The following ZC3HAV1 variants were observed in gnomAD, a reference collection of about 807,000 sequenced individuals.
ZC3HAV1 encodes zinc finger CCCH-type antiviral protein 1.
In ZC3HAV1, 41 loss-of-function variants were observed where a neutral mutation model predicts 86.6. The ratio of observed to expected loss-of-function variants is 0.47; its 90% CI spans 0.37 to 0.61. The LOEUF (loss-of-function observed/expected upper bound fraction) is 0.61. Among genes scored for constraint, ZC3HAV1 ranks in the 20% least tolerant of loss-of-function variants. ZC3HAV1 has a pLI of 0.00. For synonymous variants in ZC3HAV1, 421 were observed against 432.1 expected (o/e 0.97, Z 0.32); for missense variants, 964 against 1,141.1 (o/e 0.84, Z 2.24).
intron 7 of ZC3HAV1, among the ~76,000 whole-genome samples, chr7:139,068,024 TTTATTA>T (rs142686573): frequency 0.032 from 4,499 of 142,010 alleles, 109 homozygotes; most frequent in African/African-American, 0.061. Context: ...TCTTTCTTTC[TTTATTA>T]TTATTATTAT....
intron 9 of ZC3HAV1, among the ~76,000 whole-genome samples, chr7:139,056,164 G>C (rs999960644): frequency 2.5e-4 from 38 of 152,146 alleles, no homozygotes; most frequent in Middle Eastern, 3.4e-3. Context: ...TTGCTAATCT[G>C]TTTTGAGACA....
intron 7 of ZC3HAV1, among the ~76,000 whole-genome samples, chr7:139,065,221 A>C (rs1816563148): frequency 2.0e-5 from 3 of 152,074 alleles, no homozygotes. Flanking sequence ...CTCACTACAC[A>C]CTTGGGGGAG....
intron 1 of ZC3HAV1, among the ~76,000 whole-genome samples, chr7:139,092,992 T>C (rs1264676677): frequency 1.3e-5 from 2 of 152,236 alleles, no homozygotes; most frequent in African/African-American, 2.4e-5. Context: ...TTCAGGATAT[T>C]GATCAGCCAC....
intron 9 of ZC3HAV1, among the ~76,000 whole-genome samples, chr7:139,057,051 A>G (rs1816304507): frequency 6.6e-6 from 1 of 152,148 alleles, no homozygotes; most frequent in African/African-American, 2.4e-5. Flanking sequence ...ATATTCCAGC[A>G]AAAGAAAAAA....
At chr7:139,093,056 C>T (rs557073115) in intron 1 of ZC3HAV1, among the ~76,000 whole-genome samples, 15 of 152,272 alleles carry the variant, frequency 9.9e-5, no homozygotes, top group African/African-American at 3.6e-4. Flanking sequence ...CAGAAATTAA[C>T]ATTTATTATG....
intron 2 of ZC3HAV1, among the ~76,000 whole-genome samples, chr7:139,087,135 C>T (rs1373206957): frequency 6.6e-6 from 1 of 152,164 alleles, no homozygotes; most frequent in Non-Finnish European, 1.5e-5. Context: ...TAAGGATAGA[C>T]CACAAAACAC....
At chr7:139,071,953 TAGG>T (rs1337089519) in intron 7 of ZC3HAV1, among the ~76,000 whole-genome samples, 4 of 152,226 alleles carry the variant, frequency 2.6e-5, no homozygotes, top group Non-Finnish European at 5.9e-5. Flanking sequence ...TGGCCCACTA[TAGG>T]AGGTGTTTTT....
At chr7:139,047,932 A>G in intron 12 of ZC3HAV1, 79 bp from the exon 13 acceptor site, 3 of 1,441,538 alleles carry the variant, frequency 2.1e-6, no homozygotes, top group Non-Finnish European at 2.8e-6. Context: ...ATATACAGTC[A>G]GATGGGTGTG....
chr7:139,078,182 T>C (rs55729627), intron 5 of ZC3HAV1, among the ~76,000 whole-genome samples: 6,950 of 152,248 alleles, frequency 0.046, 214 homozygotes, highest in South Asian at 0.076. Context: ...GAGGTTGCAG[T>C]GAGCTGAGAT....
At chr7:139,068,636 T>C (rs76325729) in intron 7 of ZC3HAV1, among the ~76,000 whole-genome samples, 2,384 of 152,332 alleles carry the variant, frequency 0.016, 60 homozygotes, top group African/African-American at 0.054. Flanking sequence ...GTGGTTGTCA[T>C]ACTGGACAGC....
chr7:139,075,297 T>C (rs1816906714), intron 6 of ZC3HAV1, among the ~76,000 whole-genome samples: 1 of 152,210 alleles, frequency 6.6e-6, no homozygotes, highest in African/African-American at 2.4e-5. Flanking sequence ...AATTCTCATA[T>C]GATGAAAAGT....
chr7:139,073,772 T>C, intron 7 of ZC3HAV1, 84 bp downstream of exon 7: 1 of 1,396,180 alleles, frequency 7.2e-7, no homozygotes, highest in Non-Finnish European at 9.5e-7. Flanking sequence ...CTTACAGGCA[T>C]GAGCCACCGT....
intron 3 of ZC3HAV1, 58 bp from the exon 4 acceptor site, chr7:139,080,301 T>G: frequency 6.3e-7 from 1 of 1,597,450 alleles, no homozygotes; most frequent in Non-Finnish European, 8.6e-7. Flanking sequence ...TTAATGTGAC[T>G]GAGTTCCTAC....
intron 1 of ZC3HAV1, among the ~76,000 whole-genome samples, chr7:139,097,416 A>T (rs368059704): frequency 0.067 from 5,160 of 76,920 alleles, 403 homozygotes; most frequent in Non-Finnish European, 0.086. Context: ...ATATATATAT[A>T]TATATATATA....
At chr7:139,074,450 A>G (rs1460520620) in intron 6 of ZC3HAV1, among the ~76,000 whole-genome samples, 1 of 152,134 alleles carries the variant, frequency 6.6e-6, no homozygotes, top group African/African-American at 2.4e-5. Context: ...ATTAAACATT[A>G]TTTGCTTTTT....
chr7:139,074,461 T>TC (rs1263257895), intron 6 of ZC3HAV1, among the ~76,000 whole-genome samples: 3 of 152,202 alleles, frequency 2.0e-5, no homozygotes, highest in Admixed American at 6.5e-5. Flanking sequence ...TTTGCTTTTT[T>TC]CACTTTCATT....
In ZC3HAV1 at chr7:139,079,809, A is replaced by G; in HGVS notation, c.1132T>C (p.Ser378Pro). The G allele has an allele frequency of 2.5e-6, 4 of 1,614,104 alleles. No homozygotes were observed. In the South Asian group the frequency reaches 3.3e-5, roughly 13 times the overall value. ...DQGARRKTVF[S>P]PTLPAARSSL... The stretch of plus-strand genomic sequence containing the variant: ...GAGCGGGCGGCAGGTAGCGTGGGAG[A>G]AAACACAGTCTTTCTCCTGGCGCCT... The change falls in exon 4 of 13, where the codon TCT becomes CCT. Residue 378 changes from serine to proline, a missense_variant. Transcript: ENST00000242351.
intron 1 of ZC3HAV1, among the ~76,000 whole-genome samples, 183 bp from the exon 2 acceptor site, chr7:139,089,942 A>G (rs1240755532): frequency 6.6e-6 from 1 of 151,976 alleles, no homozygotes; most frequent in Non-Finnish European, 1.5e-5. Context: ...TTTCTGAGGC[A>G]GAGTTTTGCT....
chr7:139,049,282 T>A (rs1816054794), intron 12 of ZC3HAV1, among the ~76,000 whole-genome samples: 1 of 152,070 alleles, frequency 6.6e-6, no homozygotes, highest in African/African-American at 2.4e-5. Flanking sequence ...CCCATTCTAA[T>A]CGGTGCGAGG....
Sources: gnomAD v4.1 joint callset for allele counts (sites outside exome capture counted in the v4.1 genomes callset) on GRCh38, gnomAD v4.1.1 for gene constraint, MANE v1.5 for transcripts, NCBI Gene and HGNC (gene_info 2026-07-23, HGNC 2026-07-21) for gene names.